The following XPO5 variants were observed in gnomAD, a reference collection of about 807,000 sequenced individuals.
The protein encoded by XPO5 is exportin-5.
A neutral mutation model predicts 160.6 loss-of-function variants in XPO5; 46 were observed. That is an observed-to-expected ratio of 0.29 (90% CI 0.23 to 0.37). XPO5 has a LOEUF of 0.37. XPO5 is among the 10% of genes least tolerant of loss of function. The probability of loss-of-function intolerance (pLI) is 1.00; values close to 1 mark genes in which losing one functional copy is unlikely to be tolerated. For synonymous variants in XPO5, 537 were observed against 519.3 expected (o/e 1.03, Z -0.46); for missense variants, 1,090 against 1,463.9 (o/e 0.74, Z 4.17).
chr6:43,527,828 C>A, intron 25 of XPO5, 97 bp from the exon 26 acceptor site: 1 of 1,318,418 alleles, frequency 7.6e-7, no homozygotes, highest in Non-Finnish European at 1.1e-6. Flanking sequence ...CCACTTTCTT[C>A]TCCTTTGGGT....
Position 43,526,472 on chromosome 6 carries a change from G to A in XPO5, c.2983+213C>T, listed in dbSNP as rs547395616. On this transcript the variant is annotated intron_variant, in intron 27 of 31. Coordinates refer to ENST00000265351, the MANE Select transcript of XPO5 (RefSeq NM_020750.3). The stretch of plus-strand genomic sequence containing the variant: ...AGAGAAAAGATCACATATATGGTTG[G>A]GAGGAAATCATCTGAGACAGAGGAA... 301 of 586,066 alleles carry A rather than the reference G, an allele frequency of 5.1e-4. 2 individuals carry two copies. The highest frequency in any genetic ancestry group is 4.9e-3 in the African/African-American group (264 of 53,774). The allele number at this position is 586,066 out of a possible 1,614,324, so 36.3% of individuals were successfully genotyped here.
chr6:43,561,002 T>C lies in XPO5; in HGVS notation c.1017A>G (p.Ala339=), dbSNP rs1161957222. 6.2e-7 allele frequency: 1 copy of C among 1,613,736 alleles called. No homozygotes were observed. ...LGNQLCALLG[A]DSDVETPSNF... ...TTGATGGTGTTTCTACATCAGAATC[T>C]GCACCCTGTAGGAGAAGACCACTAT... The change falls in exon 10 of 32, where the codon GCA becomes GCG. Residue 339 remains alanine, a synonymous_variant. Coordinates refer to ENST00000265351, the MANE Select transcript of XPO5 (RefSeq NM_020750.3).
At position 43,551,352 on chromosome 6, in the gene XPO5, T is replaced by G. The variant is rs200535517; in HGVS notation, c.1674A>C (p.Ala558=). 1.2e-6 allele frequency: 2 copies of G among 1,613,852 alleles called. No homozygotes were observed. The highest frequency in any genetic ancestry group is 1.7e-5 in the Admixed American group (1 of 60,012). ...ILSCVLTNVS[A]LFPFVTYRPE... ...GTCTGTAGGTGACAAATGGAAAGAG[T>G]GCAGAGACATTAGTAAGGACGCAGG... The change falls in exon 15 of 32, where the codon GCA becomes GCC. Residue 558 remains alanine, a synonymous_variant. Coordinates refer to ENST00000265351, the MANE Select transcript of XPO5 (RefSeq NM_020750.3).
In XPO5 at chr6:43,553,512, C is replaced by CA. The variant is rs1379767003; in HGVS notation, c.1442-10dup. 7.1e-7 allele frequency: 1 copy of CA among 1,415,374 alleles called. No individual in the cohort carries two copies. The highest frequency in any genetic ancestry group is 9.4e-7 in the Non-Finnish European group (1 of 1,066,288). 87.7% of individuals were successfully genotyped at this position (1,415,374 alleles called of 1,614,324 possible). ...TCCAACTGCAGAACAAGCTTTAAAA[C>CA]ACACACACACACATACACACACACA... On this transcript the variant is annotated splice_polypyrimidine_tract_variant and intron_variant, in intron 13 of 31. Transcript: ENST00000265351.
At chr6:43,541,425 C>T (rs1173596771) in intron 20 of XPO5, among the ~76,000 whole-genome samples, 1 of 152,118 alleles carries the variant, frequency 6.6e-6, no homozygotes, top group Non-Finnish European at 1.5e-5. Flanking sequence ...AAAAAACTAA[C>T]AAAAAACATC....
intron 20 of XPO5, chr6:43,538,702 T>C (rs552058101): frequency 3.4e-4 from 155 of 454,074 alleles, no homozygotes; most frequent in African/African-American, 2.6e-3. Flanking sequence ...TCTTTGGTAC[T>C]GTTAATGTCT....
chr6:43,522,813 A>AC lies in XPO5; in HGVS notation c.*1054dup. 2.7e-6 allele frequency: 1 copy of AC among 369,874 alleles called. No individual in the cohort carries two copies. The highest frequency in any genetic ancestry group is 6.1e-6 in the Non-Finnish European group (1 of 164,332). The allele number at this position is 369,874 out of a possible 1,614,324, so 22.9% of individuals were successfully genotyped here. A position where few individuals can be genotyped will look rare whatever the true frequency, so the allele number is the denominator to read the frequency against. The stretch of plus-strand genomic sequence containing the variant: ...TAACTCTGCCTTACGGCCAGTAATA[A>AC]CCTCAGGGCCAGGTCCCGTATCCAT... On this transcript the variant is annotated 3_prime_UTR_variant, in exon 32 of 32. Transcript: ENST00000265351.
At chr6:43,528,630 G>A (rs1793748865) in intron 24 of XPO5, among the ~76,000 whole-genome samples, 198 bp downstream of exon 24, 1 of 152,074 alleles carries the variant, frequency 6.6e-6, no homozygotes, top group South Asian at 2.1e-4. Flanking sequence ...AAGCTGTCTT[G>A]TGGCAATTAA....
chr6:43,547,260 GTTAAGCCATCAC>G (rs1795008374), intron 19 of XPO5: 1 of 382,956 alleles, frequency 2.6e-6, no homozygotes, highest in African/African-American at 2.1e-5. Flanking sequence ...AGGTTTGCAA[GTTAAGCCATCAC>G]TTAAGACTTT....
chr6:43,570,087 C>T (rs1057448127), intron 5 of XPO5, among the ~76,000 whole-genome samples: 2 of 133,920 alleles, frequency 1.5e-5, no homozygotes, highest in Non-Finnish European at 3.1e-5. Flanking sequence ...GGGAGGCGGG[C>T]GGATCATGAG....
At chr6:43,554,820 G>C (rs1221192638) in intron 13 of XPO5, 1 of 152,076 alleles carries the variant, frequency 6.6e-6, no homozygotes, top group Non-Finnish European at 1.5e-5. Context: ...AACCTTTCAA[G>C]TTACCAAATA....
Position 43,524,934 on chromosome 6 carries a change from G to T in XPO5, c.3209C>A (p.Thr1070Lys). Residue 1070 changes from threonine (T) to lysine (K), a missense_variant, in exon 30 of 32, where the codon ACG (threonine) becomes AAG (lysine). Transcript: ENST00000265351. ...TTTCAGCACACTGGTGAAAAGCCAC[G>T]TAACTGCATCTGCGAGCAGTGTCCC... ...LSGTLLADAV[T>K]WLFTSVLKGL... 6.2e-7 allele frequency: 1 copy of T among 1,613,856 alleles called. No homozygotes were observed. Among genetic ancestry groups the T allele is most frequent in the Non-Finnish European group, 8.5e-7 (1 of 1,179,860 alleles).
chr6:43,558,376 A>T, intron 12 of XPO5, 125 bp downstream of exon 12: 1 of 811,984 alleles, frequency 1.2e-6, no homozygotes, highest in Non-Finnish European at 1.9e-6. Flanking sequence ...CTAGGGCCTA[A>T]TAAGTAGGCT....
rs771853793 is a variant in XPO5, at chr6:43,533,911, T to C, written c.2439A>G (p.Ile813Met). Residue 813 changes from isoleucine to methionine, a missense_variant, in exon 21 of 32, where the codon ATA becomes ATG. By Grantham distance (10) the Ile-to-Met change is conservative. Around this residue, in one of 3 missense-constraint regions of XPO5, gnomAD observed 810 missense variants for 1,139.0 expected, o/e 0.71. Transcript: ENST00000265351. Reference protein sequence around the residue: ...LDMLDAEKSAILGLPQPLLEL... With the variant: ...LDMLDAEKSAMLGLPQPLLEL... ...AAAAAAGGTTACATTTCTTACCTAATATAGCAGATTTTTCCGCGTCAAGCA... is the reference window on the plus strand; with the variant it reads ...AAAAAAGGTTACATTTCTTACCTAACATAGCAGATTTTTCCGCGTCAAGCA... 3.1e-5 allele frequency: 50 copies of C among 1,598,918 alleles called. No individual in the cohort carries two copies. The Admixed American group carries it at 8.1e-4, about 26-fold the overall frequency.
At chr6:43,537,140 C>CT (rs70990198) in intron 20 of XPO5, among the ~76,000 whole-genome samples, 53,961 of 137,068 alleles carry the variant, frequency 0.39, 11,041 homozygotes, top group African/African-American at 0.47. Flanking sequence ...ATAATTAAAA[C>CT]TTTTTTTTTT....
intron 27 of XPO5, chr6:43,526,418 C>A (rs1356854798): frequency 2.0e-6 from 1 of 503,000 alleles, no homozygotes; most frequent in Non-Finnish European, 3.6e-6. Context: ...TGGACGATCT[C>A]TGGGAAGAGG....
chr6:43,560,074 C>A (rs1341400204), intron 11 of XPO5, 104 bp downstream of exon 11: 2 of 1,398,038 alleles, frequency 1.4e-6, no homozygotes, highest in African/African-American at 2.9e-5. Context: ...CCGCCTCAGC[C>A]TTCCATAGAG....
chr6:43,564,211 C>T (rs888150555), intron 8 of XPO5, among the ~76,000 whole-genome samples: 4 of 152,130 alleles, frequency 2.6e-5, no homozygotes, highest in Non-Finnish European at 5.9e-5. Flanking sequence ...CATGACCCAG[C>T]GTACCTGGCC....
At chr6:43,553,586 G>C in intron 13 of XPO5, 83 bp from the exon 14 acceptor site, 2 of 1,493,796 alleles carry the variant, frequency 1.3e-6, no homozygotes, top group Non-Finnish European at 1.8e-6. Flanking sequence ...GACACAGAGA[G>C]ACAATGGAGC....
Sources: allele counts gnomAD v4.1 joint callset (sites outside exome capture counted in the v4.1 genomes callset), GRCh38; gene constraint gnomAD v4.1.1; regional missense constraint gnomAD v4.1.1; transcripts MANE v1.5; gene names NCBI Gene and HGNC (gene_info 2026-07-23, HGNC 2026-07-21).